MFHAS1: variants seen among roughly 807,000 people sequenced by gnomAD.
The protein encoded by MFHAS1 is malignant fibrous histiocytoma-amplified sequence 1.
MFHAS1 carries 50 observed loss-of-function variants against 70.4 expected under a neutral mutation model. The ratio of observed to expected loss-of-function variants is 0.71; its 90% CI spans 0.57 to 0.90. The LOEUF (loss-of-function observed/expected upper bound fraction) is 0.90, where lower values mean the gene tolerates loss of function less well. Ranked by LOEUF, MFHAS1 falls within the 40% of genes least tolerant of loss-of-function variation. MFHAS1 has a pLI of 0.00. For synonymous variants in MFHAS1, 952 were observed against 620.0 expected, an observed-to-expected ratio of 1.54 and a Z score of -7.96; for missense variants, 1,795 against 1,347.6, an observed-to-expected ratio of 1.33 and a Z score of -5.20.
intron 1 of MFHAS1, among the ~76,000 whole-genome samples, chr8:8,837,571 A>G (rs920886866): frequency 6.6e-6 from 1 of 152,016 alleles, no homozygotes; most frequent in African/African-American, 2.4e-5. Flanking sequence ...TGAACCCAGG[A>G]GGCGGAGGTT....
At chr8:8,862,388 G>GTTTTTTTTTTTTTTTTTTTT (rs11446754) in intron 1 of MFHAS1, among the ~76,000 whole-genome samples, 1 of 146,984 alleles carries the variant, frequency 6.8e-6, no homozygotes, top group Admixed American at 6.8e-5. Context: ...GCTATAAGAG[G>GTTTTTTTTTTTTTTTTTTTT]TTTTTTTTTT....
At chr8:8,854,873 C>G (rs1158808876) in intron 1 of MFHAS1, among the ~76,000 whole-genome samples, 1 of 152,020 alleles carries the variant, frequency 6.6e-6, no homozygotes, top group East Asian at 1.9e-4. Context: ...AACTGGCTAT[C>G]CTGTTTTTTT....
At position 8,890,319 on chromosome 8, in the gene MFHAS1, A is replaced by C; in HGVS notation, c.2740T>G (p.Phe914Val). Residue 914 changes from phenylalanine to valine, a missense_variant, in exon 1 of 3, where the codon TTT becomes GTT. Physicochemically the swap from Phe to Val is conservative, Grantham distance 50. Transcript: ENST00000276282. ...SHVVHRSDGK[F>V]QIFAYRGKVP... is the part of the protein sequence containing the mutation. ...TTCCCTCTATAGGCAAAGATCTGAA[A>C]TTTACCATCCGACCTGTGCACCACA... 1 of 1,614,210 alleles carries C rather than the reference A, an allele frequency of 6.2e-7. No individual in the cohort carries two copies. The highest frequency in any genetic ancestry group is 8.5e-7 in the Non-Finnish European group (1 of 1,180,036).
chr8:8,833,481 T>C (rs757532072), intron 1 of MFHAS1, among the ~76,000 whole-genome samples: 18 of 151,860 alleles, frequency 1.2e-4, no homozygotes, highest in Non-Finnish European at 1.9e-4. Flanking sequence ...AATTAAAAAT[T>C]AGCCAGGCGT....
chr8:8,787,603 G>A (rs1347923121), intron 2 of MFHAS1, among the ~76,000 whole-genome samples: 3 of 152,210 alleles, frequency 2.0e-5, no homozygotes, highest in Non-Finnish European at 4.4e-5. Flanking sequence ...ACTCCCAGAA[G>A]AGAGGGTTTT....
At chr8:8,885,617 C>G (rs1242359116) in intron 1 of MFHAS1, among the ~76,000 whole-genome samples, 3 of 152,178 alleles carry the variant, frequency 2.0e-5, no homozygotes, top group Admixed American at 6.5e-5. Flanking sequence ...CAGGACCAAC[C>G]AATGAGAAGG....
At chr8:8,808,878 C>T (rs899880001) in intron 1 of MFHAS1, among the ~76,000 whole-genome samples, 2 of 152,146 alleles carry the variant, frequency 1.3e-5, no homozygotes, top group Non-Finnish European at 2.9e-5. Flanking sequence ...GGGTGCCCAA[C>T]GCCAGGGCCA....
chr8:8,827,730 T>C (rs562578343), intron 1 of MFHAS1, among the ~76,000 whole-genome samples: 1 of 152,360 alleles, frequency 6.6e-6, no homozygotes, highest in South Asian at 2.1e-4. Flanking sequence ...CTCATGAAAT[T>C]TTTCTTTTAG....
At chr8:8,812,757 C>G in intron 1 of MFHAS1, among the ~76,000 whole-genome samples, 1 of 152,082 alleles carries the variant, frequency 6.6e-6, no homozygotes, top group Non-Finnish European at 1.5e-5. Flanking sequence ...CAGTCAGGCA[C>G]TGTCTAATGA....
chr8:8,887,179 T>G (rs562498445), intron 1 of MFHAS1, among the ~76,000 whole-genome samples: 14 of 152,238 alleles, frequency 9.2e-5, no homozygotes, highest in Middle Eastern at 6.8e-3. Context: ...TGCCAATAGA[T>G]TCAAAGGGTT....
chr8:8,871,713 C>G (rs921827724), intron 1 of MFHAS1, among the ~76,000 whole-genome samples: 1 of 152,140 alleles, frequency 6.6e-6, no homozygotes, highest in African/African-American at 2.4e-5. Flanking sequence ...AAGTGGCTTC[C>G]CAGAGGTCCA....
At chr8:8,812,598 G>T (rs182298517) in intron 1 of MFHAS1, among the ~76,000 whole-genome samples, 1 of 152,088 alleles carries the variant, frequency 6.6e-6, no homozygotes, top group African/African-American at 2.4e-5. Flanking sequence ...ATATTTGACT[G>T]GGGTTTTTGC....
intron 1 of MFHAS1, among the ~76,000 whole-genome samples, chr8:8,868,575 C>T (rs1003180789): frequency 6.6e-6 from 1 of 151,922 alleles, no homozygotes; most frequent in Non-Finnish European, 1.5e-5. Context: ...CTACTCGGAT[C>T]TTTGCCTTGG....
intron 1 of MFHAS1, among the ~76,000 whole-genome samples, chr8:8,805,935 G>A (rs780414521): frequency 2.0e-5 from 3 of 151,874 alleles, no homozygotes; most frequent in African/African-American, 2.4e-5. Context: ...TGTGACCTCA[G>A]GTGACCCGCC....
At chr8:8,874,035 T>C (rs538245542) in intron 1 of MFHAS1, among the ~76,000 whole-genome samples, 1 of 152,290 alleles carries the variant, frequency 6.6e-6, no homozygotes, top group African/African-American at 2.4e-5. Context: ...AAAATTACCT[T>C]GTTTCAAATC....
chr8:8,800,581 G>A (rs191110894), intron 1 of MFHAS1, among the ~76,000 whole-genome samples: 1 of 152,252 alleles, frequency 6.6e-6, no homozygotes, highest in East Asian at 1.9e-4. Context: ...ACTCCAACGA[G>A]AAGTTGCTGT....
At chr8:8,786,133 G>C (rs1805534299) in intron 2 of MFHAS1, 78 bp from the exon 3 acceptor site, 3 of 1,294,712 alleles carry the variant, frequency 2.3e-6, no homozygotes, top group Non-Finnish European at 3.4e-6. Flanking sequence ...AGAAAAGGAA[G>C]TGATGATAGA....
intron 1 of MFHAS1, among the ~76,000 whole-genome samples, chr8:8,833,757 T>C (rs566694384): frequency 6.6e-6 from 1 of 152,356 alleles, no homozygotes; most frequent in East Asian, 1.9e-4. Flanking sequence ...TGAATGTTCA[T>C]AGTGACTTTA....
intron 1 of MFHAS1, among the ~76,000 whole-genome samples, chr8:8,799,084 G>A (rs1806000066): frequency 6.6e-6 from 1 of 151,556 alleles, no homozygotes; most frequent in African/African-American, 2.4e-5. Context: ...AGAAATTCTA[G>A]AGACTCCAAA....
Sources: allele counts gnomAD v4.1 joint callset (sites outside exome capture counted in the v4.1 genomes callset), GRCh38; gene constraint gnomAD v4.1.1; transcripts MANE v1.5; gene names NCBI Gene and HGNC (gene_info 2026-07-23, HGNC 2026-07-21).